GPR183: variants seen among roughly 807,000 people sequenced by gnomAD.
The protein encoded by GPR183 is G protein-coupled receptor 183.
In GPR183, 9 loss-of-function variants were observed where a neutral mutation model predicts 19.7. The observed-to-expected ratio is 0.46, with a 90% CI of 0.28 to 0.80. The LOEUF (loss-of-function observed/expected upper bound fraction) is 0.80, where lower values mean the gene tolerates loss of function less well. Among genes scored for constraint, GPR183 ranks in the 30% least tolerant of loss-of-function variants. The pLI is 0.13. For synonymous variants in GPR183, 160 were observed against 155.1 expected, an observed-to-expected ratio of 1.03 and a Z score of -0.24; for missense variants, 368 against 446.7, an observed-to-expected ratio of 0.82 and a Z score of 1.59.
chr13:99,299,883 G>C (rs1197879646), intron 1 of GPR183, among the ~76,000 whole-genome samples: 4 of 152,124 alleles, frequency 2.6e-5, no homozygotes, highest in Non-Finnish European at 5.9e-5. Flanking sequence ...AAATTGGAGT[G>C]GTTCTTAAAA....
chr13:99,307,376 G>A lies in GPR183; in HGVS notation c.-55C>T, dbSNP rs1038471797. The A allele has an allele frequency of 4.6e-5, 7 of 152,144 alleles. No individual in the cohort carries two copies. The highest frequency in any genetic ancestry group is 4.6e-4 in the Admixed American group (7 of 15,276). 9.4% of individuals were successfully genotyped at this position (152,144 alleles called of 1,614,324 possible). On this transcript the variant is annotated 5_prime_UTR_variant, in exon 1 of 2. Coordinates refer to ENST00000376414, the MANE Select transcript of GPR183 (RefSeq NM_004951.5). ...TCGTTCGGGTCTCTGTGTAGTAGCTGTGAGTAGTTGTCCAAACTGAAGTAA... is the reference window on the plus strand; with the variant it reads ...TCGTTCGGGTCTCTGTGTAGTAGCTATGAGTAGTTGTCCAAACTGAAGTAA...
rs2044140462 is a variant in GPR183, at chr13:99,294,623, T to TA, written c.*436dup. 6.5e-6 allele frequency: 1 copy of TA among 154,386 alleles called. No homozygotes were observed. Among genetic ancestry groups the TA allele is most frequent in the Admixed American group, 6.5e-5 (1 of 15,492 alleles). The allele number at this position is 154,386 out of a possible 1,614,324, so 9.6% of individuals were successfully genotyped here. On this transcript the variant is annotated 3_prime_UTR_variant, in exon 2 of 2. Coordinates refer to ENST00000376414, the MANE Select transcript of GPR183 (RefSeq NM_004951.5). ...ACGAAACAAAACAAAACATTGGTGT[T>TA]ATTGAGGGAATTAAATCTAACATTG... is the stretch of plus-strand genomic sequence containing the variant.
chr13:99,296,250 G>T, intron 1 of GPR183, 87 bp from the exon 2 acceptor site: 2 of 1,109,802 alleles, frequency 1.8e-6, no homozygotes, highest in Non-Finnish European at 2.5e-6. Context: ...TTTAAATAAT[G>T]TATCAAAGCA....
chr13:99,296,263 C>T, intron 1 of GPR183, 100 bp from the exon 2 acceptor site: 1 of 929,716 alleles, frequency 1.1e-6, no homozygotes, highest in Non-Finnish European at 1.5e-6. Context: ...TCAAAGCAAT[C>T]CAAACTGTCT....
At chr13:99,297,226 G>A (rs934266004) in intron 1 of GPR183, among the ~76,000 whole-genome samples, 7 of 152,100 alleles carry the variant, frequency 4.6e-5, no homozygotes, top group African/African-American at 1.7e-4. Flanking sequence ...GGTAAACTTT[G>A]ATTAAAGCAG....
rs1180931240 is a variant in GPR183 at position 99,294,967 on chromosome 13, A to T, written c.*93T>A. The stretch of plus-strand genomic sequence containing the variant: ...ATGAAAGAAATATAAAAGAATACTA[A>T]TTGGAAGCTGAACAATTATTTTGCT... On this transcript the variant is annotated 3_prime_UTR_variant, in exon 2 of 2. Transcript: ENST00000376414. 2 of 1,397,638 alleles carry T rather than the reference A, an allele frequency of 1.4e-6. No individual in the cohort carries two copies. The highest frequency in any genetic ancestry group is 1.9e-6 in the Non-Finnish European group (2 of 1,029,886). The allele number at this position is 1,397,638 out of a possible 1,614,324, so 86.6% of individuals were successfully genotyped here. A position where few individuals can be genotyped will look rare whatever the true frequency, so the allele number is the denominator to read the frequency against.
chr13:99,306,047 CACCGTGCCTGGCTAACTTTTATATTT>C (rs1397862059), intron 1 of GPR183, among the ~76,000 whole-genome samples: 2 of 152,090 alleles, frequency 1.3e-5, no homozygotes, highest in Non-Finnish European at 2.9e-5. Context: ...AGGTGAGTGC[CACCGTGCCTGGCTAACTTTTATATTT>C]TTAGTAGAGA....
rs760739327 is a variant in GPR183 at position 99,295,589 on chromosome 13, T to C, written c.557A>G (p.Asn186Ser). 50 of 1,614,070 alleles carry C rather than the reference T, an allele frequency of 3.1e-5. No homozygotes were observed. In the South Asian group the frequency reaches 5.1e-4, roughly 16 times the overall value. Residue 186 changes from asparagine to serine, a missense_variant, in exon 2 of 2, where the codon AAC (asparagine) becomes AGC (serine). Coordinates refer to ENST00000376414, the MANE Select transcript of GPR183 (RefSeq NM_004951.5). This position sits in a 1 kb window ranked among gnomAD's most constrained non-coding sequence, Gnocchi z 4.1. ...GGGAAGAGATTTAGTTTCTTCAAAG[T>C]TTGGATACTCCATGCATGTAATCCT... ...AERITCMEYPNFEETKSLPWI... is the reference protein window; with the variant it reads ...AERITCMEYPSFEETKSLPWI...
At chr13:99,297,991 A>T (rs948879043) in intron 1 of GPR183, among the ~76,000 whole-genome samples, 1 of 152,132 alleles carries the variant, frequency 6.6e-6, no homozygotes, top group Non-Finnish European at 1.5e-5. Context: ...ATTAATAGGA[A>T]TACAGAGGGT....
intron 1 of GPR183, among the ~76,000 whole-genome samples, chr13:99,297,158 A>T (rs1217904875): frequency 2.6e-5 from 4 of 152,192 alleles, no homozygotes; most frequent in African/African-American, 4.8e-5. Context: ...TTAAAGCAGA[A>T]ATTTTAAGTA....
chr13:99,303,010 C>T (rs1326058087), intron 1 of GPR183, among the ~76,000 whole-genome samples: 1 of 8,038 alleles, frequency 1.2e-4, no homozygotes, highest in Non-Finnish European at 2.2e-4. Flanking sequence ...GGGGACCTCC[C>T]CTGCCTCCTG....
intron 1 of GPR183, among the ~76,000 whole-genome samples, chr13:99,302,015 A>T (rs1466908575): frequency 6.6e-6 from 1 of 152,200 alleles, no homozygotes; most frequent in African/African-American, 2.4e-5. Flanking sequence ...AGTTGTGCTG[A>T]GATGATCACC....
rs1173052603 is a variant in GPR183 at position 99,294,963 on chromosome 13, A to G, written c.*97T>C. ...CCCAATGAAAGAAATATAAAAGAAT[A>G]CTAATTGGAAGCTGAACAATTATTT... On this transcript the variant is annotated 3_prime_UTR_variant, in exon 2 of 2. Transcript: ENST00000376414. 2.2e-6 allele frequency: 3 copies of G among 1,357,840 alleles called. No individual in the cohort carries two copies. In the African/African-American group the frequency reaches 4.4e-5, roughly 20 times the overall value. 84.1% of individuals were successfully genotyped at this position (1,357,840 alleles called of 1,614,324 possible).
chr13:99,296,164 C>A lies in GPR183; in HGVS notation c.-18-1G>T. The A allele has an allele frequency of 6.5e-7, 1 of 1,541,072 alleles. No individual in the cohort carries two copies. The highest frequency in any genetic ancestry group is 8.7e-7 in the Non-Finnish European group (1 of 1,145,542). On this transcript the variant is annotated splice_acceptor_variant, in intron 1 of 1. Transcript: ENST00000376414. LOFTEE classifies it low-confidence loss of function (5UTR_SPLICE). ...TATCCATTGGTGGTGGTCCAGGTGT[C>A]TAGAAAAAAACCAAGAAGGATCATA...
intron 1 of GPR183, among the ~76,000 whole-genome samples, chr13:99,299,999 C>G (rs2044234949): frequency 6.6e-6 from 1 of 152,182 alleles, no homozygotes; most frequent in African/African-American, 2.4e-5. Flanking sequence ...TCATGCTGCC[C>G]TTAAAGAACT....
chr13:99,298,845 C>G (rs950654303), intron 1 of GPR183, among the ~76,000 whole-genome samples: 5 of 152,080 alleles, frequency 3.3e-5, no homozygotes, highest in Non-Finnish European at 7.4e-5. Flanking sequence ...AAATTCCAGG[C>G]AAGGGTTGCA....
At chr13:99,305,577 A>G (rs1252778695) in intron 1 of GPR183, among the ~76,000 whole-genome samples, 2 of 152,256 alleles carry the variant, frequency 1.3e-5, no homozygotes, top group South Asian at 2.1e-4. Context: ...GTAAATATCT[A>G]TAGAATAAAT....
rs937927726 is a variant in GPR183 at position 99,294,939 on chromosome 13, C to G, written c.*121G>C. 7 of 1,103,354 alleles carry G rather than the reference C, an allele frequency of 6.3e-6. No individual in the cohort carries two copies. The highest frequency in any genetic ancestry group is 9.0e-6 in the Non-Finnish European group (7 of 780,494). 68.3% of individuals were successfully genotyped at this position (1,103,354 alleles called of 1,614,324 possible). Reference sequence around the variant, plus strand: ...TTCCGAGTTGGAGATGGGAAAGTGCCCAATGAAAGAAATATAAAAGAATAC... The same window carrying G: ...TTCCGAGTTGGAGATGGGAAAGTGCGCAATGAAAGAAATATAAAAGAATAC... On this transcript the variant is annotated 3_prime_UTR_variant, in exon 2 of 2. Transcript: ENST00000376414.
At chr13:99,302,034 G>A (rs957523235) in intron 1 of GPR183, among the ~76,000 whole-genome samples, 1 of 152,160 alleles carries the variant, frequency 6.6e-6, no homozygotes, top group South Asian at 2.1e-4. Context: ...CCAATTGGAG[G>A]TGACTTCTCT....
Sources: allele counts gnomAD v4.1 joint callset (sites outside exome capture counted in the v4.1 genomes callset), GRCh38; gene constraint gnomAD v4.1.1; non-coding constraint Gnocchi (gnomAD v3.1); transcripts MANE v1.5; gene names NCBI Gene and HGNC (gene_info 2026-07-23, HGNC 2026-07-21).